CCNT1: variants seen among roughly 807,000 people sequenced by gnomAD.
The protein encoded by CCNT1 is cyclin-T1.
CCNT1 carries 18 observed loss-of-function variants against 67.3 expected under a neutral mutation model. That is an observed-to-expected ratio of 0.27 (90% CI 0.18 to 0.40). The LOEUF (loss-of-function observed/expected upper bound fraction) is 0.40. Ranked by LOEUF, CCNT1 falls within the 10% of genes least tolerant of loss-of-function variation. CCNT1 has a pLI of 1.00. For missense variants in CCNT1, 744 were observed against 884.9 expected, an observed-to-expected ratio of 0.84 and a Z score of 2.02; for synonymous variants, 333 against 310.3, an observed-to-expected ratio of 1.07 and a Z score of -0.77.
intron 3 of CCNT1, among the ~76,000 whole-genome samples, chr12:48,701,914 T>G (rs149800999): frequency 0.016 from 2,488 of 151,400 alleles, 30 homozygotes; most frequent in Non-Finnish European, 0.024. Flanking sequence ...CCTTTTTTTT[T>G]GAGAGGGAGT....
chr12:48,698,499 T>C (rs1034514730), intron 5 of CCNT1, among the ~76,000 whole-genome samples: 1 of 152,144 alleles, frequency 6.6e-6, no homozygotes, highest in Non-Finnish European at 1.5e-5. Flanking sequence ...AATTAAATGT[T>C]TGGAGAAGGG....
chr12:48,707,602 C>A (rs951443498), intron 2 of CCNT1, among the ~76,000 whole-genome samples: 11 of 147,702 alleles, frequency 7.4e-5, no homozygotes. Context: ...AAGAGTGACA[C>A]TAAAGATTTT....
In CCNT1 at chr12:48,714,441, A is replaced by G; in HGVS notation, c.243+2T>C. 6.4e-7 allele frequency: 1 copy of G among 1,566,148 alleles called. No homozygotes were observed. Among genetic ancestry groups the G allele is most frequent in the Non-Finnish European group, 8.8e-7 (1 of 1,136,812 alleles). ...TATATCATATAAAAAAATTATACTT[A>G]CATTTCCAGGGAACTGTGTGAAGGA... On this transcript the variant is annotated splice_donor_variant, in intron 2 of 8. Coordinates refer to ENST00000261900, the MANE Select transcript of CCNT1 (RefSeq NM_001240.4). LOFTEE classifies it high-confidence loss of function.
In CCNT1 at chr12:48,689,766, AC is replaced by A. The variant is rs1940044114; in HGVS notation, c.*3266del. 1 of 152,232 alleles carries A rather than the reference AC, an allele frequency of 6.6e-6. No homozygotes were observed. Among genetic ancestry groups the A allele is most frequent in the Non-Finnish European group, 1.5e-5 (1 of 68,040 alleles). The allele number at this position is 152,232 out of a possible 1,614,324, so 9.4% of individuals were successfully genotyped here. On this transcript the variant is annotated 3_prime_UTR_variant, in exon 9 of 9. Coordinates refer to ENST00000261900, the MANE Select transcript of CCNT1 (RefSeq NM_001240.4). ...ACAGGGCCCCTCTACAATTGCCTTTACTTGGAAGCCATGTATGTGGAGGAGT... is the reference window on the plus strand; with the variant it reads ...ACAGGGCCCCTCTACAATTGCCTTTATTGGAAGCCATGTATGTGGAGGAGT...
intron 3 of CCNT1, among the ~76,000 whole-genome samples, chr12:48,705,005 G>C (rs953264216): frequency 1.3e-5 from 2 of 152,006 alleles, no homozygotes; most frequent in African/African-American, 4.8e-5. Flanking sequence ...CCAGTCCCAG[G>C]TGCCAAAAAA....
Position 48,693,393 on chromosome 12 carries a change from A to C in CCNT1, c.1821T>G (p.Leu607=). ...SSSLNFSFPS[L]PTMGQMPGHS... ...GCCCAGGCATCTGACCCATTGTAGGAAGTGAAGGGAAGGAGAAATTTAGGG... is the reference window on the plus strand; with the variant it reads ...GCCCAGGCATCTGACCCATTGTAGGCAGTGAAGGGAAGGAGAAATTTAGGG... Residue 607 remains leucine, a synonymous_variant, in exon 9 of 9, where the codon CTT becomes CTG. Transcript: ENST00000261900. 6.2e-7 allele frequency: 1 copy of C among 1,614,220 alleles called. No individual in the cohort carries two copies. Among genetic ancestry groups the C allele is most frequent in the Non-Finnish European group, 8.5e-7 (1 of 1,180,034 alleles).
chr12:48,700,250 C>T (rs1203975642), intron 4 of CCNT1, among the ~76,000 whole-genome samples: 3 of 145,500 alleles, frequency 2.1e-5, no homozygotes, highest in Non-Finnish European at 4.5e-5. Context: ...ACCCAGGAGG[C>T]GGAGGTTGCA....
intron 1 of CCNT1, among the ~76,000 whole-genome samples, chr12:48,715,232 A>C (rs544077696): frequency 6.6e-6 from 1 of 152,366 alleles, no homozygotes; most frequent in Non-Finnish European, 1.5e-5. Context: ...ACAAACCTGG[A>C]CATCAGCAGG....
chr12:48,707,472 A>G (rs1020057896), intron 2 of CCNT1, among the ~76,000 whole-genome samples: 2 of 151,596 alleles, frequency 1.3e-5, no homozygotes, highest in African/African-American at 4.8e-5. Context: ...TTTAATAGAG[A>G]TGGGGTCTCC....
At chr12:48,697,464 A>T (rs1195881068) in intron 6 of CCNT1, among the ~76,000 whole-genome samples, 1 of 150,108 alleles carries the variant, frequency 6.7e-6, no homozygotes, top group African/African-American at 2.5e-5. Context: ...CAGAGGTTGC[A>T]GTGAGCCAAG....
chr12:48,707,682 A>G (rs1041592508), intron 2 of CCNT1, among the ~76,000 whole-genome samples: 30 of 152,364 alleles, frequency 2.0e-4, no homozygotes, highest in South Asian at 4.1e-4. Flanking sequence ...TAATTAATAA[A>G]AATAAATTTT....
At chr12:48,697,319 A>G (rs1940184964) in intron 6 of CCNT1, among the ~76,000 whole-genome samples, 1 of 151,730 alleles carries the variant, frequency 6.6e-6, no homozygotes, top group African/African-American at 2.4e-5. Context: ...CAGGAGTTTG[A>G]GACCAGCCTA....
At chr12:48,703,379 G>A (rs983770760) in intron 3 of CCNT1, among the ~76,000 whole-genome samples, 10 of 151,802 alleles carry the variant, frequency 6.6e-5, no homozygotes, top group Non-Finnish European at 1.5e-4. Context: ...TTCGAGACCA[G>A]CCTGACCAAC....
chr12:48,709,536 G>C (rs944940941), intron 2 of CCNT1, among the ~76,000 whole-genome samples: 21 of 151,986 alleles, frequency 1.4e-4, no homozygotes, highest in African/African-American at 5.1e-4. Context: ...AACCCAAATA[G>C]CTATCAATAA....
rs771829615 is a variant in CCNT1 at position 48,694,289 on chromosome 12, C to T, written c.925G>A (p.Ala309Thr). The T allele has an allele frequency of 6.2e-7, 1 of 1,614,118 alleles. No homozygotes were observed. Among genetic ancestry groups the T allele is most frequent in the Non-Finnish European group, 8.5e-7 (1 of 1,180,040 alleles). The change falls in exon 9 of 9, where the codon GCA becomes ACA. Residue 309 changes from alanine to threonine, a missense_variant. This residue lies in a region of CCNT1 where 564 missense variants were observed against 574.2 expected (regional missense o/e 0.98). Coordinates refer to ENST00000261900, the MANE Select transcript of CCNT1 (RefSeq NM_001240.4). ...TCGGAGACTGGCAGGGAAGGCACTG[C>T]ACTTGTGGTAGAAGTTGACATGCTC... ...LMSMSTSTTS[A>T]VPSLPVSEES... is the part of the protein sequence containing the mutation.
intron 2 of CCNT1, among the ~76,000 whole-genome samples, chr12:48,711,697 C>A (rs1167691014): frequency 2.0e-5 from 3 of 151,062 alleles, no homozygotes; most frequent in Non-Finnish European, 4.5e-5. Flanking sequence ...GGATATACTC[C>A]TTGCAATCAG....
At chr12:48,697,877 T>TATATAC (rs1565616891) in intron 6 of CCNT1, 1 of 138,864 alleles carries the variant, frequency 7.2e-6, no homozygotes, top group African/African-American at 2.7e-5. Flanking sequence ...TATATATATA[T>TATATAC]ACACATATAA....
chr12:48,712,567 T>A, intron 2 of CCNT1, among the ~76,000 whole-genome samples: 1 of 102,128 alleles, frequency 9.8e-6, no homozygotes, highest in Non-Finnish European at 1.8e-5. Flanking sequence ...CCCAGCAGGA[T>A]AATCTTTTCC....
chr12:48,711,162 A>G (rs987831937), intron 2 of CCNT1, among the ~76,000 whole-genome samples: 2 of 152,022 alleles, frequency 1.3e-5, no homozygotes, highest in African/African-American at 4.8e-5. Flanking sequence ...CGGGCAGATC[A>G]TAAGGTCAAC....
Sources: gnomAD v4.1 joint callset for allele counts (sites outside exome capture counted in the v4.1 genomes callset) on GRCh38, gnomAD v4.1.1 for gene constraint, gnomAD v4.1.1 regional missense constraint, MANE v1.5 for transcripts, NCBI Gene and HGNC (gene_info 2026-07-23, HGNC 2026-07-21) for gene names.